Variants in DIAPH2 observed in about 807,000 individuals in gnomAD.
DIAPH2 encodes diaphanous related formin 2, also known as protein diaphanous homolog 2.
Under a neutral mutation model 92.7 loss-of-function variants are expected in DIAPH2, and 35 were observed. The observed-to-expected ratio is 0.38, with a 90% confidence interval of 0.29 to 0.50. The LOEUF is 0.50. DIAPH2 is among the 20% of genes least tolerant of loss of function. The pLI, the probability that DIAPH2 is intolerant of heterozygous loss-of-function variation, is 0.94. For synonymous variants in DIAPH2, 301 were observed against 280.4 expected, an observed-to-expected ratio of 1.07 and a Z score of -0.73; for missense variants, 701 against 819.5, an observed-to-expected ratio of 0.86 and a Z score of 1.77.
At position 96,714,300 on chromosome X, in the gene DIAPH2, C is replaced by T. The variant is rs1222297225; in HGVS notation, c.133-21458C>T. 4.3e-5 allele frequency among the ~76,000 whole-genome samples: 4 copies of T among 94,091 alleles called. No homozygotes were observed. In the South Asian group the frequency reaches 1.6e-3, roughly 38 times the overall value. 81.7% of individuals were successfully genotyped at this position (94,091 alleles called of 115,157 possible). On this transcript the variant is annotated intron_variant, in intron 1 of 26. Transcript: ENST00000324765. ...TTTTTTTTTGAGATGGAGTTTTGCT[C>T]GTTGCCCAGGCTGGAGTGCAGTGGT...
chrX:97,280,472 A>G (rs995864725), intron 23 of DIAPH2, among the ~76,000 whole-genome samples: 2 of 110,911 alleles, frequency 1.8e-5, no homozygotes, highest in African/African-American at 6.5e-5. Context: ...CTCCGTCTCA[A>G]AATAATAATA....
intron 4 of DIAPH2, among the ~76,000 whole-genome samples, chrX:96,763,690 T>G (rs1424647558): frequency 8.9e-6 from 1 of 111,804 alleles, no homozygotes; most frequent in East Asian, 2.8e-4. Context: ...CTTTTAAGGT[T>G]CTTTCCATGG....
chrX:97,310,198 G>A (rs966424130), intron 23 of DIAPH2, among the ~76,000 whole-genome samples: 1 of 111,910 alleles, frequency 8.9e-6, no homozygotes, highest in African/African-American at 3.2e-5. Context: ...TTAAATTACT[G>A]ATCACCCTAA....
chrX:97,189,904 G>T (rs185154055), intron 22 of DIAPH2, among the ~76,000 whole-genome samples: 5 of 112,734 alleles, frequency 4.4e-5, no homozygotes, highest in African/African-American at 1.6e-4. Flanking sequence ...GGCAATAAAG[G>T]CTGCCTACTC....
chrX:97,185,319 ATATATGTG>A (rs2067573506), intron 22 of DIAPH2, among the ~76,000 whole-genome samples: 1 of 50,726 alleles, frequency 2.0e-5, no homozygotes, highest in African/African-American at 1.1e-4. Flanking sequence ...ATATATATAT[ATATATGTG>A]TATATATATA....
intron 4 of DIAPH2, among the ~76,000 whole-genome samples, chrX:96,838,655 A>G (rs1309675787): frequency 9.0e-6 from 1 of 111,475 alleles, no homozygotes; most frequent in Non-Finnish European, 1.9e-5. Flanking sequence ...TGGGTGTTCT[A>G]AAGGAATGAT....
chrX:96,724,104 T>G (rs1404424016), intron 1 of DIAPH2, among the ~76,000 whole-genome samples: 1 of 109,555 alleles, frequency 9.1e-6, no homozygotes, highest in Non-Finnish European at 1.9e-5. Flanking sequence ...TTTTGTATTT[T>G]TAGCAGAGAC....
intron 23 of DIAPH2, among the ~76,000 whole-genome samples, chrX:97,279,355 T>C (rs2068477523): frequency 9.6e-6 from 1 of 104,148 alleles, no homozygotes; most frequent in South Asian, 4.6e-4. Flanking sequence ...CACGCTGGAG[T>C]GCAGTGGCGC....
chrX:96,917,819 C>G (rs1311904927), intron 8 of DIAPH2, among the ~76,000 whole-genome samples: 1 of 109,812 alleles, frequency 9.1e-6, no homozygotes, highest in Non-Finnish European at 1.9e-5. Context: ...TAAAAAAATT[C>G]TTTAAAAAAT....
intron 22 of DIAPH2, among the ~76,000 whole-genome samples, chrX:97,186,754 A>G (rs977495764): frequency 1.2e-4 from 13 of 111,992 alleles, no homozygotes; most frequent in Admixed American, 2.9e-4. Flanking sequence ...ACAGGATTCT[A>G]ATCTCCCTCT....
At chrX:97,098,720 C>T (rs751417149) in intron 19 of DIAPH2, among the ~76,000 whole-genome samples, 1 of 112,684 alleles carries the variant, frequency 8.9e-6, no homozygotes, top group Non-Finnish European at 1.9e-5. Context: ...CCACTGCACC[C>T]GGCCACTGGC....
chrX:96,745,883 A>G (rs2064146871), intron 3 of DIAPH2, among the ~76,000 whole-genome samples: 2 of 111,772 alleles, frequency 1.8e-5, no homozygotes, highest in Admixed American at 1.9e-4. Context: ...ATTGCTGGCA[A>G]GTTTAAAGTT....
chrX:97,376,299 C>T (rs2069499753), intron 24 of DIAPH2, among the ~76,000 whole-genome samples: 1 of 111,380 alleles, frequency 9.0e-6, no homozygotes, highest in Admixed American at 9.6e-5. Context: ...CAAGAATTTT[C>T]CCCCAAAACC....
At chrX:96,873,454 GA>G (rs1396115374) in intron 4 of DIAPH2, among the ~76,000 whole-genome samples, 1 of 109,435 alleles carries the variant, frequency 9.1e-6, no homozygotes, top group African/African-American at 3.3e-5. Context: ...TGATACTTTT[GA>G]AAAAAAATGA....
chrX:96,721,427 G>T (rs1226782652), intron 1 of DIAPH2, among the ~76,000 whole-genome samples: 1 of 111,908 alleles, frequency 8.9e-6, no homozygotes, highest in African/African-American at 3.2e-5. Flanking sequence ...CTTACTGACT[G>T]TTTTATATTT....
chrX:97,270,634 A>G (rs902529364), intron 23 of DIAPH2, among the ~76,000 whole-genome samples: 2 of 111,855 alleles, frequency 1.8e-5, no homozygotes, highest in Non-Finnish European at 3.8e-5. Flanking sequence ...AGAAACGACA[A>G]GGACTTAACC....
chrX:96,885,010 GCCAT>G, intron 5 of DIAPH2: 3 of 1,211,056 alleles, frequency 2.5e-6, no homozygotes, highest in Non-Finnish European at 1.1e-6. Context: ...TAGCGTCAAG[GCCAT>G]CAAGGAAGCG....
chrX:97,595,268 A>G (rs2071543071), intron 26 of DIAPH2, among the ~76,000 whole-genome samples: 2 of 112,733 alleles, frequency 1.8e-5, no homozygotes, highest in Non-Finnish European at 3.7e-5. Flanking sequence ...AAATGATTGC[A>G]TGAATGAATT....
chrX:97,105,901 A>T (rs1030235094), intron 20 of DIAPH2, among the ~76,000 whole-genome samples: 3 of 111,577 alleles, frequency 2.7e-5, no homozygotes, highest in Admixed American at 9.5e-5. Flanking sequence ...GCACATTTAA[A>T]TTTTTTTTAC....
Sources: gnomAD v4.1 joint callset for allele counts (sites outside exome capture counted in the v4.1 genomes callset) on GRCh38, gnomAD v4.1.1 for gene constraint, MANE v1.5 for transcripts, NCBI Gene and HGNC (gene_info 2026-07-23, HGNC 2026-07-21) for gene names.